The following KLHL29 variants were observed in gnomAD, a reference collection of about 807,000 sequenced individuals.
The protein encoded by KLHL29 is kelch-like protein 29.
In KLHL29, 21 loss-of-function variants were observed where a neutral mutation model predicts 80.4. The ratio of observed to expected loss-of-function variants is 0.26; its 90% CI spans 0.19 to 0.38. The LOEUF (loss-of-function observed/expected upper bound fraction) is 0.38. KLHL29 is among the 10% of genes least tolerant of loss of function. The pLI is 1.00. For missense variants in KLHL29, 867 were observed against 1,223.9 expected (o/e 0.71, Z 4.35); for synonymous variants, 511 against 526.8 (o/e 0.97, Z 0.41).
At chr2:23,616,761 C>T (rs955432228) in intron 3 of KLHL29, 1 of 152,164 alleles carries the variant, frequency 6.6e-6, no homozygotes, top group Non-Finnish European at 1.5e-5. Context: ...GACACAGAGC[C>T]CCTGAAAGGT....
intron 2 of KLHL29, among the ~76,000 whole-genome samples, chr2:23,513,522 C>G (rs1339020491): frequency 1.3e-5 from 2 of 152,320 alleles, no homozygotes; most frequent in East Asian, 3.9e-4. Flanking sequence ...ATGATCATTA[C>G]CAAACTCTTG....
chr2:23,705,291 G>T (rs187079802), intron 13 of KLHL29, among the ~76,000 whole-genome samples: 1 of 152,308 alleles, frequency 6.6e-6, no homozygotes, highest in African/African-American at 2.4e-5. Flanking sequence ...AGGAGTTCAA[G>T]ACCAGCCTGA....
rs556118217 is a variant in KLHL29, at chr2:23,596,119, G to A, written c.285+33638G>A. On this transcript the variant is annotated intron_variant, in intron 3 of 13. Coordinates refer to ENST00000486442, the MANE Select transcript of KLHL29 (RefSeq NM_052920.2). The surrounding 1 kb of genome is among the most constrained non-coding windows in gnomAD (Gnocchi z 4.4). ...CATGGAGAAGCTGGGTCTGTTGGTG[G>A]TTTGAACTGAGCCGCATACAATAGA... Among the ~76,000 whole-genome samples the A allele has an allele frequency of 1.1e-3, 164 of 152,294 alleles. No individual in the cohort carries two copies. Among genetic ancestry groups the A allele is most frequent in the Non-Finnish European group, 1.9e-3 (128 of 68,032 alleles).
At position 23,502,378 on chromosome 2, in the gene KLHL29, G is replaced by A. The variant is rs376529675; in HGVS notation, c.-46+26711G>A. Reference sequence around the variant, plus strand: ...AACAGTGTGTTCCTGAGACGCTGCCGTGCAGCTCGGAGGCTCACTAGTGGG... The same window carrying A: ...AACAGTGTGTTCCTGAGACGCTGCCATGCAGCTCGGAGGCTCACTAGTGGG... On this transcript the variant is annotated intron_variant, in intron 2 of 13. Transcript: ENST00000486442. Among the ~76,000 whole-genome samples, 10 of 152,342 alleles carry A rather than the reference G, an allele frequency of 6.6e-5. No individual in the cohort carries two copies. In the East Asian group the frequency reaches 1.2e-3, roughly 18 times the overall value.
chr2:23,702,308 G>A (rs569946115), intron 11 of KLHL29, among the ~76,000 whole-genome samples: 1 of 152,262 alleles, frequency 6.6e-6, no homozygotes, highest in Admixed American at 6.5e-5. Context: ...AACATGCTCT[G>A]AACACTTACA....
intron 3 of KLHL29, among the ~76,000 whole-genome samples, chr2:23,628,954 G>A (rs1304041006): frequency 2.6e-5 from 4 of 152,254 alleles, no homozygotes; most frequent in Non-Finnish European, 5.9e-5. Context: ...AAAGGCCAGA[G>A]CAGGGGCTGC....
At chr2:23,569,935 G>A (rs764409256) in intron 3 of KLHL29, among the ~76,000 whole-genome samples, 3 of 152,158 alleles carry the variant, frequency 2.0e-5, no homozygotes, top group Admixed American at 1.3e-4. Context: ...AAGAGGCATC[G>A]TGGAAGTCTC....
chr2:23,415,250 G>T (rs990781508), intron 1 of KLHL29, among the ~76,000 whole-genome samples: 1 of 152,238 alleles, frequency 6.6e-6, no homozygotes, highest in African/African-American at 2.4e-5. Flanking sequence ...TATAATGCAA[G>T]ACGGGCTTAG....
intron 2 of KLHL29, among the ~76,000 whole-genome samples, chr2:23,501,911 G>A (rs1665456501): frequency 6.6e-6 from 1 of 152,110 alleles, no homozygotes; most frequent in African/African-American, 2.4e-5. Flanking sequence ...GCCTCCAGAA[G>A]CAGCCACTGA....
chr2:23,659,082 C>T (rs947806014), intron 5 of KLHL29, among the ~76,000 whole-genome samples: 2 of 152,180 alleles, frequency 1.3e-5, no homozygotes, highest in African/African-American at 4.8e-5. Context: ...CGCTGCTGAC[C>T]GATTTAGCAA....
intron 13 of KLHL29, among the ~76,000 whole-genome samples, chr2:23,705,695 G>T (rs1197559956): frequency 6.6e-6 from 1 of 152,198 alleles, no homozygotes; most frequent in Non-Finnish European, 1.5e-5. Context: ...TCAGAAACGG[G>T]TGGAGCCTTT....
intron 3 of KLHL29, among the ~76,000 whole-genome samples, chr2:23,595,832 C>T (rs530784947): frequency 6.6e-6 from 1 of 152,302 alleles, no homozygotes; most frequent in African/African-American, 2.4e-5. Context: ...CCAGCTCTCC[C>T]AGGGTGGCTG....
rs143089136 is a variant in KLHL29, at chr2:23,492,577, A to T, written c.-46+16910A>T. On this transcript the variant is annotated intron_variant, in intron 2 of 13. Transcript: ENST00000486442. ...TTTAAGAAATTAGCTGGAGCATCAG[A>T]TTAAATCTCCTTTGCAATGGGAAGT... 2.1e-4 allele frequency among the ~76,000 whole-genome samples: 32 copies of T among 152,358 alleles called. No homozygotes were observed. The East Asian group carries it at 3.7e-3, about 17-fold the overall frequency.
chr2:23,404,343 T>G (rs1032916904), intron 1 of KLHL29, among the ~76,000 whole-genome samples: 2 of 152,206 alleles, frequency 1.3e-5, no homozygotes, highest in African/African-American at 2.4e-5. Flanking sequence ...TTTGTGATGA[T>G]GCTGTTTAAG....
At chr2:23,411,470 AGAGAGG>A (rs1666858024) in intron 1 of KLHL29, among the ~76,000 whole-genome samples, 1 of 143,802 alleles carries the variant, frequency 7.0e-6, no homozygotes, top group Admixed American at 7.1e-5. Flanking sequence ...ATGGGGGTAG[AGAGAGG>A]GAGATGGGTT....
rs556802705 is a variant in KLHL29 at position 23,596,388 on chromosome 2, C to T, written c.285+33907C>T. ...TGAGTCTCTGTCTCCGAGCAGAGGTCTTGGTGTCCTGGTGGCTGCATCCCA... is the reference window on the plus strand; with the variant it reads ...TGAGTCTCTGTCTCCGAGCAGAGGTTTTGGTGTCCTGGTGGCTGCATCCCA... On this transcript the variant is annotated intron_variant, in intron 3 of 13. Coordinates refer to ENST00000486442, the MANE Select transcript of KLHL29 (RefSeq NM_052920.2). The surrounding 1 kb of genome is among the most constrained non-coding windows in gnomAD (Gnocchi z 4.4). 1.3e-5 allele frequency among the ~76,000 whole-genome samples: 2 copies of T among 152,288 alleles called. No individual in the cohort carries two copies. The highest frequency in any genetic ancestry group is 3.9e-4 in the East Asian group (2 of 5,180).
intron 6 of KLHL29, chr2:23,685,509 A>C (rs1482284457): frequency 6.6e-6 from 1 of 152,210 alleles, no homozygotes; most frequent in East Asian, 1.9e-4. Context: ...GGACTTGCCA[A>C]CTAACCCCGG....
chr2:23,512,772 C>T (rs1665812137), intron 2 of KLHL29, among the ~76,000 whole-genome samples: 1 of 152,262 alleles, frequency 6.6e-6, no homozygotes, highest in Admixed American at 6.5e-5. Context: ...GAAGCATCCG[C>T]TGGTACAGGA....
chr2:23,419,778 G>T (rs1662732675), intron 1 of KLHL29, among the ~76,000 whole-genome samples: 1 of 152,106 alleles, frequency 6.6e-6, no homozygotes, highest in Non-Finnish European at 1.5e-5. Context: ...GGGTGCGGCT[G>T]GTCTCTCAGC....
Sources: gnomAD v4.1 joint callset for allele counts (sites outside exome capture counted in the v4.1 genomes callset) on GRCh38, gnomAD v4.1.1 for gene constraint, Gnocchi (gnomAD v3.1) non-coding constraint, MANE v1.5 for transcripts, NCBI Gene and HGNC (gene_info 2026-07-23, HGNC 2026-07-21) for gene names.